EPHB1: variants seen among roughly 807,000 people sequenced by gnomAD.
EPHB1 encodes the protein ephrin type-B receptor 1.
Under a neutral mutation model 94.4 loss-of-function variants are expected in EPHB1, and 30 were observed. The ratio of observed to expected loss-of-function variants is 0.32; its 90% CI spans 0.24 to 0.43. The LOEUF (loss-of-function observed/expected upper bound fraction) is 0.43, where lower values mean the gene tolerates loss of function less well. EPHB1 is among the 20% of genes least tolerant of loss of function. The pLI is 1.00. For synonymous variants in EPHB1, 522 were observed against 489.1 expected (o/e 1.07, Z -0.89); for missense variants, 1,055 against 1,308.3 (o/e 0.81, Z 2.99).
intron 1 of EPHB1, among the ~76,000 whole-genome samples, chr3:134,810,997 A>G (rs1170135551): frequency 6.6e-6 from 1 of 152,152 alleles, no homozygotes; most frequent in Non-Finnish European, 1.5e-5. Flanking sequence ...GGGGAGTCCC[A>G]TAAAGGACTG....
intron 3 of EPHB1, among the ~76,000 whole-genome samples, chr3:135,010,542 G>T (rs1224390285): frequency 1.4e-5 from 2 of 147,666 alleles, no homozygotes; most frequent in African/African-American, 2.5e-5. Context: ...GGCCCTGAGG[G>T]TCTGTATTTT....
intron 1 of EPHB1, among the ~76,000 whole-genome samples, chr3:134,808,115 A>G (rs925966387): frequency 6.6e-6 from 1 of 152,222 alleles, no homozygotes; most frequent in African/African-American, 2.4e-5. Context: ...AATGGAGACT[A>G]ATCAGCACAG....
chr3:134,990,375 T>C (rs1275992903), intron 3 of EPHB1, among the ~76,000 whole-genome samples: 3 of 152,204 alleles, frequency 2.0e-5, no homozygotes, highest in Non-Finnish European at 4.4e-5. Context: ...TATTATAAGC[T>C]CTCTGAATAT....
intron 3 of EPHB1, among the ~76,000 whole-genome samples, chr3:135,003,606 A>G (rs1301651198): frequency 2.0e-5 from 3 of 152,022 alleles, no homozygotes; most frequent in South Asian, 2.1e-4. Flanking sequence ...ATCTCTTTGT[A>G]GGTCACTCAG....
At chr3:135,213,774 C>G (rs1306324645) in intron 12 of EPHB1, among the ~76,000 whole-genome samples, 1 of 152,202 alleles carries the variant, frequency 6.6e-6, no homozygotes, top group African/African-American at 2.4e-5. Context: ...TCCAGTCCCT[C>G]TGTGAGCATA....
chr3:134,940,130 CT>C (rs2039084204), intron 2 of EPHB1, among the ~76,000 whole-genome samples: 1 of 150,612 alleles, frequency 6.6e-6, no homozygotes, highest in African/African-American at 2.4e-5. Flanking sequence ...GGAGTTTAGC[CT>C]TTTAGTTCCT....
At chr3:135,192,852 C>A in intron 11 of EPHB1, 29 bp downstream of exon 11, 1 of 1,603,796 alleles carries the variant, frequency 6.2e-7, no homozygotes, top group Non-Finnish European at 8.5e-7. Context: ...TTTGATGATG[C>A]ACTTGGATGC....
chr3:134,821,620 A>C (rs1471129451), intron 1 of EPHB1, among the ~76,000 whole-genome samples: 1 of 152,208 alleles, frequency 6.6e-6, no homozygotes, highest in Non-Finnish European at 1.5e-5. Flanking sequence ...TCAAAGGCTG[A>C]TTGTGTAATA....
At chr3:135,239,636 C>G (rs984013617) in intron 12 of EPHB1, among the ~76,000 whole-genome samples, 4 of 152,194 alleles carry the variant, frequency 2.6e-5, no homozygotes, top group Non-Finnish European at 5.9e-5. Flanking sequence ...TTGAGGACAG[C>G]CTTGGCAAGA....
Position 135,045,108 on chromosome 3 carries a change from A to G in EPHB1, c.806-61340A>G, listed in dbSNP as rs551320471. On this transcript the variant is annotated intron_variant, in intron 3 of 15. Transcript: ENST00000398015. Reference sequence around the variant, plus strand: ...AGTTCAGAACTATTTTCACAATAACACTTAGAGATGCCATTGCCTGTTTCG... The same window carrying G: ...AGTTCAGAACTATTTTCACAATAACGCTTAGAGATGCCATTGCCTGTTTCG... Among the ~76,000 whole-genome samples, 3 of 152,258 alleles carry G rather than the reference A, an allele frequency of 2.0e-5. No individual in the cohort carries two copies. In the East Asian group the frequency reaches 5.8e-4, roughly 29 times the overall value.
chr3:134,975,395 A>C (rs1934144292), intron 3 of EPHB1, among the ~76,000 whole-genome samples: 1 of 152,120 alleles, frequency 6.6e-6, no homozygotes, highest in Non-Finnish European at 1.5e-5. Context: ...GCAAAGTCAA[A>C]ACAGAAATAC....
At chr3:134,853,508 A>G (rs371193008) in intron 1 of EPHB1, among the ~76,000 whole-genome samples, 3 of 152,372 alleles carry the variant, frequency 2.0e-5, no homozygotes, top group East Asian at 3.9e-4. Context: ...GACTTTTACA[A>G]TTAGTGGATG....
chr3:134,990,435 A>G (rs718130), intron 3 of EPHB1, among the ~76,000 whole-genome samples: 44,307 of 152,088 alleles, frequency 0.29, 6,973 homozygotes, highest in Middle Eastern at 0.47. Flanking sequence ...CCTCTAACTT[A>G]GGGATGCTAG....
At position 134,925,762 on chromosome 3, in the gene EPHB1, C is replaced by CAAT. The variant is rs2038777633; in HGVS notation, c.59-53_59-51dup. ...CGTGACCTTGAGGGCCACTGTATAG[C>CAAT]AATCCTTCTGACTCATTGTTTTTGT... On this transcript the variant is annotated intron_variant, in intron 1 of 15. Transcript: ENST00000398015. The CAAT allele has an allele frequency of 2.0e-6, 3 of 1,468,622 alleles. No individual in the cohort carries two copies. In the South Asian group the frequency reaches 3.9e-5, roughly 19 times the overall value. The allele number at this position is 1,468,622 out of a possible 1,614,324, so 91.0% of individuals were successfully genotyped here. A position where few individuals can be genotyped will look rare whatever the true frequency, so the allele number is the denominator to read the frequency against.
intron 1 of EPHB1, among the ~76,000 whole-genome samples, chr3:134,864,944 A>C (rs1286050672): frequency 1.3e-5 from 2 of 152,196 alleles, no homozygotes; most frequent in African/African-American, 4.8e-5. Flanking sequence ...CAGGGAACTG[A>C]GATGCTATGT....
intron 3 of EPHB1, among the ~76,000 whole-genome samples, chr3:134,984,546 C>T (rs1398753896): frequency 2.6e-5 from 4 of 152,176 alleles, no homozygotes; most frequent in Non-Finnish European, 5.9e-5. Flanking sequence ...GAATCAGCTA[C>T]TCTTCTAGGC....
chr3:135,037,545 A>G (rs1313031158), intron 3 of EPHB1, among the ~76,000 whole-genome samples: 1 of 152,216 alleles, frequency 6.6e-6, no homozygotes, highest in Non-Finnish European at 1.5e-5. Flanking sequence ...CAGAAGGGGA[A>G]ACTGGGGTCC....
At chr3:135,239,633 C>T (rs534644161) in intron 12 of EPHB1, among the ~76,000 whole-genome samples, 1 of 152,328 alleles carries the variant, frequency 6.6e-6, no homozygotes, top group African/African-American at 2.4e-5. Context: ...CTTTTGAGGA[C>T]AGCCTTGGCA....
chr3:135,238,572 A>G (rs1046104861), intron 12 of EPHB1, among the ~76,000 whole-genome samples: 1 of 152,182 alleles, frequency 6.6e-6, no homozygotes, highest in African/African-American at 2.4e-5. Flanking sequence ...CAGAAGAGCC[A>G]CACTGTCATC....
Sources: allele counts gnomAD v4.1 joint callset (sites outside exome capture counted in the v4.1 genomes callset), GRCh38; gene constraint gnomAD v4.1.1; transcripts MANE v1.5; gene names NCBI Gene and HGNC (gene_info 2026-07-23, HGNC 2026-07-21).